Variants in ANKS1B observed in about 807,000 individuals in gnomAD.
ANKS1B encodes the protein ankyrin repeat and sterile alpha motif domain containing 1B, also known as ankyrin repeat and sterile alpha motif domain-containing protein 1B.
A neutral mutation model predicts 148.3 loss-of-function variants in ANKS1B; 36 were observed. The ratio of observed to expected loss-of-function variants is 0.24; its 90% confidence interval spans 0.19 to 0.32. The LOEUF (loss-of-function observed/expected upper bound fraction) is 0.32. Ranked by LOEUF, ANKS1B falls within the 10% of genes least tolerant of loss-of-function variation. The pLI is 1.00. For synonymous variants in ANKS1B, 542 were observed against 560.8 expected (o/e 0.97, Z 0.47); for missense variants, 1,157 against 1,542.6 (o/e 0.75, Z 4.19).
chr12:99,374,102 G>A (rs1459783856), intron 12 of ANKS1B, among the ~76,000 whole-genome samples: 1 of 152,166 alleles, frequency 6.6e-6, no homozygotes, highest in Non-Finnish European at 1.5e-5. Flanking sequence ...CAAAGAATGT[G>A]CTGATTGAGA....
intron 8 of ANKS1B, among the ~76,000 whole-genome samples, chr12:99,693,592 C>T (rs1369282905): frequency 2.0e-5 from 3 of 152,040 alleles, no homozygotes; most frequent in Admixed American, 2.0e-4. Context: ...CTGATTCTAC[C>T]TAACTGAATT....
At chr12:99,973,387 C>A (rs1471742212) in intron 1 of ANKS1B, among the ~76,000 whole-genome samples, 1 of 152,162 alleles carries the variant, frequency 6.6e-6, no homozygotes. Context: ...CAAGACCAGT[C>A]TGGGCAACAT....
intron 1 of ANKS1B, among the ~76,000 whole-genome samples, chr12:99,894,368 G>T (rs573693853): frequency 4.0e-5 from 6 of 149,104 alleles, no homozygotes; most frequent in Non-Finnish European, 7.5e-5. Flanking sequence ...AATTAGCCAG[G>T]TGTGGTAGTG....
intron 15 of ANKS1B, among the ~76,000 whole-genome samples, chr12:99,094,187 C>G (rs943661059): frequency 6.6e-6 from 1 of 152,154 alleles, no homozygotes; most frequent in Non-Finnish European, 1.5e-5. Context: ...GACAAGGTCC[C>G]TCTACCTTTA....
chr12:99,050,849 G>C (rs1049197249), intron 17 of ANKS1B, among the ~76,000 whole-genome samples: 2 of 150,458 alleles, frequency 1.3e-5, no homozygotes, highest in African/African-American at 2.4e-5. Context: ...CCGCCACCAC[G>C]CCCGGCTAAT....
intron 12 of ANKS1B, among the ~76,000 whole-genome samples, chr12:99,370,704 T>A (rs1410205637): frequency 6.6e-6 from 1 of 152,172 alleles, no homozygotes; most frequent in African/African-American, 2.4e-5. Context: ...ATTTCACAGG[T>A]CTAGAATTTA....
At chr12:99,590,930 G>C (rs768304969) in intron 9 of ANKS1B, among the ~76,000 whole-genome samples, 14 of 152,074 alleles carry the variant, frequency 9.2e-5, no homozygotes, top group Non-Finnish European at 1.6e-4. Context: ...ACTTTGAACT[G>C]TCTCTATACA....
At chr12:99,516,795 G>C (rs1484177607) in intron 9 of ANKS1B, among the ~76,000 whole-genome samples, 1 of 151,608 alleles carries the variant, frequency 6.6e-6, no homozygotes, top group Non-Finnish European at 1.5e-5. Context: ...GTATGTTCTT[G>C]GCACCTTTGT....
At chr12:99,293,590 A>G (rs1426573436) in intron 12 of ANKS1B, among the ~76,000 whole-genome samples, 1 of 152,190 alleles carries the variant, frequency 6.6e-6, no homozygotes, top group Non-Finnish European at 1.5e-5. Context: ...AAAATGGGGA[A>G]ACTCTCCAGG....
intron 9 of ANKS1B, among the ~76,000 whole-genome samples, chr12:99,528,858 G>C (rs2096958261): frequency 6.6e-6 from 1 of 152,128 alleles, no homozygotes; most frequent in South Asian, 2.1e-4. Context: ...ATTTCTAGAA[G>C]ATATTATTAG....
rs17227779 is a variant in ANKS1B at position 98,878,706 on chromosome 12, T to C, written c.2779-46570A>G. The stretch of plus-strand genomic sequence containing the variant: ...AATTAAGTATTTAATGCGATCACTT[T>C]GGGGAAACCACATTGATTAAACTGA... On this transcript the variant is annotated intron_variant, in intron 17 of 26. Coordinates refer to ENST00000683438, the MANE Select transcript of ANKS1B (RefSeq NM_001352186.2). Among the ~76,000 whole-genome samples the C allele has an allele frequency of 6.7e-3, 1,023 of 152,278 alleles. 7 individuals are homozygous for C. Among genetic ancestry groups the C allele is most frequent in the Middle Eastern group, 0.017 (5 of 294 alleles).
chr12:99,252,779 G>T (rs2074777030), intron 12 of ANKS1B, among the ~76,000 whole-genome samples: 1 of 152,210 alleles, frequency 6.6e-6, no homozygotes, highest in Admixed American at 6.5e-5. Context: ...ACAGGAAGTA[G>T]CTTACTCCCT....
At chr12:99,867,238 T>G (rs1447856657) in intron 1 of ANKS1B, among the ~76,000 whole-genome samples, 1 of 152,208 alleles carries the variant, frequency 6.6e-6, no homozygotes, top group Non-Finnish European at 1.5e-5. Flanking sequence ...AGAGCCATTA[T>G]GGCCTTACAT....
Position 99,428,242 on chromosome 12 carries a change from G to A in ANKS1B, c.1575+15431C>T, listed in dbSNP as rs571408257. 3.3e-5 allele frequency among the ~76,000 whole-genome samples: 5 copies of A among 152,072 alleles called. No individual in the cohort carries two copies. The South Asian group carries it at 1.0e-3, about 32-fold the overall frequency. On this transcript the variant is annotated intron_variant, in intron 11 of 26. Coordinates refer to ENST00000683438, the MANE Select transcript of ANKS1B (RefSeq NM_001352186.2). Reference sequence around the variant, plus strand: ...GTCAAGGCACTGTAAAGGTGAGAAGGGTATCCATCAGGGGCCAACCAGGCA... The same window carrying A: ...GTCAAGGCACTGTAAAGGTGAGAAGAGTATCCATCAGGGGCCAACCAGGCA...
rs1192338753 is a variant in ANKS1B, at chr12:98,735,611, G to C, written c.714C>G (p.Thr238=). ...TGTGTCTCTCTGATGGTTCCTGCCCGGTATGGCTGGCATGAAGAAGATCCT... is the reference window on the plus strand; with the variant it reads ...TGTGTCTCTCTGATGGTTCCTGCCCCGTATGGCTGGCATGAAGAAGATCCT... Residue 238 remains threonine (T), a synonymous_variant, in exon 10 of 10, where the codon ACC becomes ACG. Coordinates refer to the ANKS1B transcript ENST00000341752. 7 of 772,322 alleles carry C rather than the reference G, an allele frequency of 9.1e-6. No homozygotes were observed. In the African/African-American group the frequency reaches 1.2e-4, roughly 13 times the overall value. 47.8% of individuals were successfully genotyped at this position (772,322 alleles called of 1,614,324 possible).
downstream of ANKS1B, among the ~76,000 whole-genome samples, chr12:98,742,271 T>A (rs1478120161): frequency 6.6e-6 from 1 of 152,016 alleles, no homozygotes; most frequent in African/African-American, 2.4e-5. Context: ...AAGGATGTCT[T>A]ATTTCAGCCT....
chr12:99,354,312 G>A (rs2152400359), intron 12 of ANKS1B, among the ~76,000 whole-genome samples: 1 of 152,080 alleles, frequency 6.6e-6, no homozygotes, highest in East Asian at 1.9e-4. Context: ...GTAGAGTAAA[G>A]CCTAGAAAAC....
At chr12:99,717,475 C>G (rs528446871) in intron 8 of ANKS1B, among the ~76,000 whole-genome samples, 10 of 152,336 alleles carry the variant, frequency 6.6e-5, no homozygotes, top group African/African-American at 2.4e-4. Flanking sequence ...TGCCAGAAAT[C>G]TGGCCACCAG....
intron 12 of ANKS1B, among the ~76,000 whole-genome samples, chr12:99,370,821 C>G (rs973238059): frequency 2.6e-5 from 4 of 152,096 alleles, no homozygotes; most frequent in Non-Finnish European, 5.9e-5. Context: ...GTGCATTGTG[C>G]ATGAAAACAA....
Sources: allele counts gnomAD v4.1 joint callset (sites outside exome capture counted in the v4.1 genomes callset), GRCh38; gene constraint gnomAD v4.1.1; transcripts MANE v1.5; gene names NCBI Gene and HGNC (gene_info 2026-07-23, HGNC 2026-07-21).